The following PTPRD variants were observed in gnomAD, a reference collection of about 807,000 sequenced individuals.
The protein encoded by PTPRD is protein tyrosine phosphatase receptor type D, also known as receptor-type tyrosine-protein phosphatase delta.
PTPRD carries 34 observed loss-of-function variants against 214.5 expected under a neutral mutation model. The ratio of observed to expected loss-of-function variants is 0.16; its 90% confidence interval spans 0.12 to 0.21. PTPRD has a LOEUF of 0.21. Ranked by LOEUF, PTPRD falls within the 10% of genes least tolerant of loss-of-function variation. PTPRD has a pLI of 1.00. For synonymous variants in PTPRD, 1,128 were observed against 845.7 expected, an observed-to-expected ratio of 1.33 and a Z score of -5.79; for missense variants, 2,545 against 2,398.7, an observed-to-expected ratio of 1.06 and a Z score of -1.27.
chr9:10,289,741 C>T (rs2154399540), intron 3 of PTPRD, among the ~76,000 whole-genome samples: 1 of 152,120 alleles, frequency 6.6e-6, no homozygotes, highest in African/African-American at 2.4e-5. Flanking sequence ...AACATTTATT[C>T]AACATGTATT....
chr9:9,002,811 AG>A (rs1469030172), intron 11 of PTPRD, among the ~76,000 whole-genome samples: 1 of 152,048 alleles, frequency 6.6e-6, no homozygotes, highest in Non-Finnish European at 1.5e-5. Context: ...AGGAGATTGG[AG>A]CCCTGCTCAT....
chr9:10,286,431 G>A (rs1260848243), intron 3 of PTPRD, among the ~76,000 whole-genome samples: 1 of 151,732 alleles, frequency 6.6e-6, no homozygotes, highest in Non-Finnish European at 1.5e-5. Flanking sequence ...GACAGAGTGA[G>A]ACCTCATTAG....
At chr9:9,264,144 G>A (rs76629171) in intron 9 of PTPRD, among the ~76,000 whole-genome samples, 18,128 of 151,540 alleles carry the variant, frequency 0.12, 1,366 homozygotes, top group Middle Eastern at 0.19. Flanking sequence ...TCAAGACTTC[G>A]ATGAAAATAT....
At chr9:9,834,511 C>T (rs918401387) in intron 5 of PTPRD, among the ~76,000 whole-genome samples, 2 of 151,900 alleles carry the variant, frequency 1.3e-5, no homozygotes, top group African/African-American at 4.8e-5. Context: ...TCCAATTCAC[C>T]CTGTGTTTAT....
intron 7 of PTPRD, among the ~76,000 whole-genome samples, chr9:9,688,356 G>C (rs752641210): frequency 6.6e-6 from 1 of 151,952 alleles, no homozygotes; most frequent in East Asian, 1.9e-4. Context: ...TTATTTGTTT[G>C]TTTGGTGTTT....
At chr9:9,368,932 C>G (rs12682972) in intron 9 of PTPRD, among the ~76,000 whole-genome samples, 1 of 151,888 alleles carries the variant, frequency 6.6e-6, no homozygotes, top group Non-Finnish European at 1.5e-5. Context: ...CCACAACAGT[C>G]CCCAGTGTAG....
chr9:9,269,024 C>A (rs1941571985), intron 9 of PTPRD, among the ~76,000 whole-genome samples: 1 of 150,464 alleles, frequency 6.6e-6, no homozygotes, highest in Non-Finnish European at 1.5e-5. Context: ...ACACATCAAG[C>A]TGAAAAGTTT....
chr9:9,229,868 G>C (rs2099961985), intron 9 of PTPRD, among the ~76,000 whole-genome samples: 1 of 152,054 alleles, frequency 6.6e-6, no homozygotes. Flanking sequence ...AAGACTGATA[G>C]TTACATTAAA....
intron 7 of PTPRD, among the ~76,000 whole-genome samples, chr9:9,586,612 T>G (rs899751872): frequency 1.3e-5 from 2 of 151,970 alleles, no homozygotes; most frequent in Non-Finnish European, 2.9e-5. Flanking sequence ...TTGAATAAAT[T>G]AAATACCATT....
chr9:10,574,557 G>T (rs571853307), intron 2 of PTPRD, among the ~76,000 whole-genome samples: 94 of 152,016 alleles, frequency 6.2e-4, no homozygotes, highest in African/African-American at 2.0e-3. Flanking sequence ...TCATTTCTAA[G>T]CTCTGGCTAA....
At chr9:10,032,357 A>T (rs879006244) in intron 4 of PTPRD, among the ~76,000 whole-genome samples, 2 of 152,198 alleles carry the variant, frequency 1.3e-5, no homozygotes, top group Non-Finnish European at 2.9e-5. Context: ...ATCATAAATG[A>T]TGTGTGCCAA....
At chr9:9,810,151 C>CAAAAAAAAAAAAA (rs1555141528) in intron 5 of PTPRD, among the ~76,000 whole-genome samples, 3 of 73,220 alleles carry the variant, frequency 4.1e-5, no homozygotes, top group African/African-American at 8.4e-5. Flanking sequence ...AAAAAAAAAG[C>CAAAAAAAAAAAAA]AAATATATTT....
In PTPRD at chr9:9,094,622, A is replaced by C. The variant is rs182086019; in HGVS notation, c.-142-75887T>G. Among the ~76,000 whole-genome samples, 28 of 152,258 alleles carry C rather than the reference A, an allele frequency of 1.8e-4. 1 individual carries two copies. The highest frequency in any genetic ancestry group is 1.4e-3 in the Admixed American group (21 of 15,282). On this transcript the variant is annotated intron_variant, in intron 10 of 45. Coordinates refer to ENST00000381196, the MANE Select transcript of PTPRD (RefSeq NM_002839.4). ...ACCAAAATCTCAGAAATCACAATGGAAGAACTTATCCATGTAACAAAAAAC... is the reference window on the plus strand; with the variant it reads ...ACCAAAATCTCAGAAATCACAATGGCAGAACTTATCCATGTAACAAAAAAC...
intron 39 of PTPRD, among the ~76,000 whole-genome samples, chr9:8,366,859 G>A (rs537239192): frequency 9.8e-5 from 15 of 152,340 alleles, no homozygotes; most frequent in Middle Eastern, 3.4e-3. Context: ...ACTCCAAAGA[G>A]CATGGCCCTT....
chr9:8,572,656 G>T (rs1266168998), intron 14 of PTPRD, among the ~76,000 whole-genome samples: 1 of 151,932 alleles, frequency 6.6e-6, no homozygotes, highest in Non-Finnish European at 1.5e-5. Flanking sequence ...AGAGGTACTT[G>T]AGTCAACCTC....
chr9:9,603,030 A>G (rs1229952560), intron 7 of PTPRD, among the ~76,000 whole-genome samples: 8 of 152,194 alleles, frequency 5.3e-5, no homozygotes, highest in Middle Eastern at 3.4e-3. Context: ...AAAAAAAAAG[A>G]CTAGTTCCCT....
intron 7 of PTPRD, among the ~76,000 whole-genome samples, chr9:9,648,682 G>A (rs569626912): frequency 6.6e-6 from 1 of 152,232 alleles, no homozygotes; most frequent in East Asian, 1.9e-4. Flanking sequence ...TATATTTATT[G>A]AAAACTAATT....
chr9:8,480,132 G>T (rs1203607077), intron 30 of PTPRD, among the ~76,000 whole-genome samples: 1 of 152,184 alleles, frequency 6.6e-6, no homozygotes, highest in Admixed American at 6.5e-5. Context: ...AAAACAGTGT[G>T]TATAGAATAT....
At chr9:9,233,351 C>T (rs1003583251) in intron 9 of PTPRD, among the ~76,000 whole-genome samples, 1 of 152,162 alleles carries the variant, frequency 6.6e-6, no homozygotes, top group Non-Finnish European at 1.5e-5. Flanking sequence ...ATTCAATTAC[C>T]TCCCAACAGG....
Sources: allele counts gnomAD v4.1 joint callset (sites outside exome capture counted in the v4.1 genomes callset), GRCh38; gene constraint gnomAD v4.1.1; transcripts MANE v1.5; gene names NCBI Gene and HGNC (gene_info 2026-07-23, HGNC 2026-07-21).